PIGG: variants seen among roughly 807,000 people sequenced by gnomAD.
PIGG encodes the protein GPI ethanolamine phosphate transferase 2, catalytic subunit.
Under a neutral mutation model 83.2 loss-of-function variants are expected in PIGG, and 70 were observed. The observed-to-expected ratio is 0.84, with a 90% CI of 0.69 to 1.03. The LOEUF (loss-of-function observed/expected upper bound fraction) is 1.03, where lower values mean the gene tolerates loss of function less well. PIGG is among the 50% of genes least tolerant of loss of function. The probability of loss-of-function intolerance (pLI) is 0.00; values close to 1 mark genes in which losing one functional copy is unlikely to be tolerated. For missense variants in PIGG, 1,257 were observed against 1,233.6 expected, an observed-to-expected ratio of 1.02 and a Z score of -0.28; for synonymous variants, 532 against 519.5, an observed-to-expected ratio of 1.02 and a Z score of -0.33.
chr4:516,480 C>T (rs555001074), intron 6 of PIGG, among the ~76,000 whole-genome samples: 6 of 152,248 alleles, frequency 3.9e-5, no homozygotes, highest in Admixed American at 2.6e-4. Context: ...AGAGCAGGTA[C>T]GAGGCTCTGC....
chr4:526,574 G>A (rs1727674075), intron 9 of PIGG, among the ~76,000 whole-genome samples: 1 of 152,208 alleles, frequency 6.6e-6, no homozygotes, highest in Non-Finnish European at 1.5e-5. Context: ...GGGGAGGTGA[G>A]CTGGTAGGTG....
intron 12 of PIGG, among the ~76,000 whole-genome samples, chr4:535,948 C>T (rs1346340808): frequency 6.6e-6 from 1 of 152,198 alleles, no homozygotes; most frequent in East Asian, 1.9e-4. Flanking sequence ...GAGGTGTCCT[C>T]GGGCTGACAG....
intron 12 of PIGG, among the ~76,000 whole-genome samples, chr4:534,807 G>A (rs1242439086): frequency 6.6e-6 from 1 of 152,008 alleles, no homozygotes; most frequent in Non-Finnish European, 1.5e-5. Flanking sequence ...CAGATCAAGG[G>A]TGCAGCCCCC....
rs747096027 is a variant in PIGG at position 523,461 on chromosome 4, C to A, written c.1617C>A (p.Asn539Lys). The change falls in exon 9 of 13, where the codon AAC becomes AAA. Residue 539 changes from asparagine (N) to lysine (K), a missense_variant and splice_region_variant. Transcript: ENST00000453061. ...AAAGTGCACTTTCCTTTTCACAGAA[C>A]CCCATGCATCCCAGCTCAAGGTGGT... ...VLVGGNTPRK[N>K]PMHPSSRWSE... The A allele has an allele frequency of 5.0e-6, 8 of 1,600,160 alleles. No individual in the cohort carries two copies. Among genetic ancestry groups the A allele is most frequent in the Middle Eastern group, 1.7e-4 (1 of 6,008 alleles).
chr4:507,097 A>G (rs1334200895), intron 3 of PIGG, among the ~76,000 whole-genome samples: 2 of 152,212 alleles, frequency 1.3e-5, no homozygotes, highest in Admixed American at 6.5e-5. Flanking sequence ...AGTTTAATCC[A>G]ATGCTAATGT....
chr4:526,620 G>A (rs1414838912), intron 9 of PIGG, among the ~76,000 whole-genome samples: 1 of 152,184 alleles, frequency 6.6e-6, no homozygotes, highest in Non-Finnish European at 1.5e-5. Context: ...GGGAACAAGA[G>A]GACGGTTTCT....
chr4:527,374 G>A, intron 10 of PIGG, 144 bp downstream of exon 10: 1 of 1,391,162 alleles, frequency 7.2e-7, no homozygotes, highest in Non-Finnish European at 9.3e-7. Context: ...TGGTGTTTGT[G>A]AATTGTGATT....
At chr4:537,300 G>C (rs543709532) in intron 12 of PIGG, 24 of 152,172 alleles carry the variant, frequency 1.6e-4, no homozygotes, top group African/African-American at 5.8e-4. Flanking sequence ...CGGGCTGCCT[G>C]CTCCCCTGCA....
At chr4:510,960 A>G (rs113994767) in intron 5 of PIGG, among the ~76,000 whole-genome samples, 1 of 151,668 alleles carries the variant, frequency 6.6e-6, no homozygotes, top group East Asian at 1.9e-4. Context: ...TTCATGTAGG[A>G]TAGTGTTTTT....
rs551872417 is a variant in PIGG, at chr4:537,970, C to T, written c.2736-1183C>T. 5.1e-4 allele frequency among the ~76,000 whole-genome samples: 77 copies of T among 151,750 alleles called. 1 individual carries two copies. The highest frequency in any genetic ancestry group is 6.8e-3 in the Middle Eastern group (2 of 292). On this transcript the variant is annotated intron_variant, in intron 12 of 12. Coordinates refer to ENST00000453061, the MANE Select transcript of PIGG (RefSeq NM_001127178.3). Reference sequence around the variant, plus strand: ...GCTGGGCTGACAGGACTGAGGAGCCCTTTACAGGACATGCATGTGGGGCCC... The same window carrying T: ...GCTGGGCTGACAGGACTGAGGAGCCTTTTACAGGACATGCATGTGGGGCCC...
At chr4:530,852 TG>T in intron 11 of PIGG, 107 bp downstream of exon 11, 2 of 776,888 alleles carry the variant, frequency 2.6e-6, no homozygotes, top group Non-Finnish European at 4.3e-6. Context: ...ACTGTCAGTG[TG>T]GCATGGTGAA....
chr4:533,778 G>A (rs760078438), intron 11 of PIGG, 40 bp from the exon 12 acceptor site: 48 of 1,599,734 alleles, frequency 3.0e-5, no homozygotes, highest in South Asian at 9.9e-5. Flanking sequence ...TTGATGCCAC[G>A]TGTTGTGAGG....
rs373948967 is a variant in PIGG, at chr4:512,796, G to A, written c.902-3177G>A. 7.4e-4 allele frequency among the ~76,000 whole-genome samples: 113 copies of A among 152,056 alleles called. 1 individual carries two copies. In the Middle Eastern group the frequency reaches 0.01, roughly 14 times the overall value. ...CACCACTGCACTCCAGCTTGGCGACGGAGTGAGACTCCATCTAAAAATAGT... is the reference window on the plus strand; with the variant it reads ...CACCACTGCACTCCAGCTTGGCGACAGAGTGAGACTCCATCTAAAAATAGT... On this transcript the variant is annotated intron_variant, in intron 5 of 12. Transcript: ENST00000453061.
At chr4:517,170 T>A (rs1250742028) in intron 6 of PIGG, among the ~76,000 whole-genome samples, 3 of 152,152 alleles carry the variant, frequency 2.0e-5, no homozygotes, top group African/African-American at 7.2e-5. Context: ...AGTCTCCCAC[T>A]TGCATTTTCG....
chr4:538,110 C>T (rs1477528720), intron 12 of PIGG, among the ~76,000 whole-genome samples: 11 of 151,988 alleles, frequency 7.2e-5, no homozygotes, highest in African/African-American at 2.4e-4. Flanking sequence ...GGACATGCAG[C>T]GGGACCCACA....
chr4:522,213 A>T (rs1726171779), intron 8 of PIGG: 1 of 596,114 alleles, frequency 1.7e-6, no homozygotes. Flanking sequence ...TACCAAGGTG[A>T]TTGTAAAGAG....
At chr4:514,628 G>T (rs911618267) in intron 5 of PIGG, among the ~76,000 whole-genome samples, 5 of 152,190 alleles carry the variant, frequency 3.3e-5, no homozygotes, top group Admixed American at 1.3e-4. Flanking sequence ...ACAGAAAGAA[G>T]AAATTGTTTT....
chr4:530,493 C>A lies in PIGG; in HGVS notation c.2319C>A (p.Gly773=). 6.2e-7 allele frequency: 1 copy of A among 1,613,494 alleles called. No homozygotes were observed. Among genetic ancestry groups the A allele is most frequent in the Non-Finnish European group, 8.5e-7 (1 of 1,179,380 alleles). ...TTGTCCTTGGCATTCTGTTCACGGGCACCAAAGACTTACTTAAATCTCAAG... is the reference window on the plus strand; with the variant it reads ...TTGTCCTTGGCATTCTGTTCACGGGAACCAAAGACTTACTTAAATCTCAAG... ...YVFVLGILFT[G]TKDLLKSQVI... The change falls in exon 11 of 13, where the codon GGC becomes GGA. Residue 773 remains glycine (G), a synonymous_variant. Transcript: ENST00000453061.
At chr4:523,325 G>T in intron 8 of PIGG, 134 bp from the exon 9 acceptor site, 1 of 713,612 alleles carries the variant, frequency 1.4e-6, no homozygotes, top group Non-Finnish European at 2.4e-6. Context: ...TCCAGAGTAG[G>T]GGCCCAGGTG....
Sources: allele counts gnomAD v4.1 joint callset (sites outside exome capture counted in the v4.1 genomes callset), GRCh38; gene constraint gnomAD v4.1.1; transcripts MANE v1.5; gene names NCBI Gene and HGNC (gene_info 2026-07-23, HGNC 2026-07-21).